SGK1: variants seen among roughly 807,000 people sequenced by gnomAD.
SGK1 encodes the protein serum/glucocorticoid regulated kinase 1.
SGK1 carries 26 observed loss-of-function variants against 64.2 expected under a neutral mutation model. The ratio of observed to expected loss-of-function variants is 0.40; its 90% CI spans 0.30 to 0.56. SGK1 has a LOEUF of 0.56. Ranked by LOEUF, SGK1 falls within the 20% of genes least tolerant of loss-of-function variation. The pLI is 0.38. For missense variants in SGK1, 519 were observed against 645.6 expected, an observed-to-expected ratio of 0.80 and a Z score of 2.12; for synonymous variants, 265 against 239.7, an observed-to-expected ratio of 1.11 and a Z score of -0.98.
intron 1 of SGK1, among the ~76,000 whole-genome samples, chr6:134,289,687 T>A (rs960104980): frequency 6.6e-6 from 1 of 152,064 alleles, no homozygotes; most frequent in African/African-American, 2.4e-5. Context: ...ACAATTCAGG[T>A]GCTCAATAGT....
intron 3 of SGK1, among the ~76,000 whole-genome samples, chr6:134,176,613 T>C (rs1775240463): frequency 6.6e-6 from 1 of 152,190 alleles, no homozygotes; most frequent in Non-Finnish European, 1.5e-5. Context: ...GCTGTTGCTG[T>C]CTGCGGTGGC....
chr6:134,211,721 G>A (rs1433403670), intron 2 of SGK1, among the ~76,000 whole-genome samples: 1 of 151,880 alleles, frequency 6.6e-6, no homozygotes, highest in African/African-American at 2.4e-5. Context: ...GAAAAAGAAT[G>A]TGTGGAGCAG....
intron 3 of SGK1, 72 bp from the exon 4 acceptor site, chr6:134,174,658 C>A: frequency 1.2e-6 from 2 of 1,608,148 alleles, no homozygotes; most frequent in Non-Finnish European, 1.7e-6. Context: ...ACACACTAAT[C>A]TGATCCGGGA....
intron 3 of SGK1, among the ~76,000 whole-genome samples, chr6:134,201,693 G>A (rs1775687608): frequency 6.6e-6 from 1 of 152,064 alleles, no homozygotes; most frequent in Non-Finnish European, 1.5e-5. Flanking sequence ...AATCATTTCA[G>A]GAATTTGTAA....
intron 1 of SGK1, among the ~76,000 whole-genome samples, chr6:134,286,022 A>C (rs1411449485): frequency 6.6e-6 from 1 of 152,140 alleles, no homozygotes; most frequent in Non-Finnish European, 1.5e-5. Flanking sequence ...AATTAAAGTG[A>C]GTTTTCTTTA....
intron 11 of SGK1, 47 bp downstream of exon 11, chr6:134,171,590 A>G (rs762540420): frequency 7.4e-7 from 1 of 1,357,608 alleles, no homozygotes; most frequent in Admixed American, 1.7e-5. Flanking sequence ...TGAAGGCAAT[A>G]TTGTAGGGAG....
chr6:134,204,240 A>G (rs916664318), intron 3 of SGK1, among the ~76,000 whole-genome samples: 3 of 150,182 alleles, frequency 2.0e-5, no homozygotes, highest in Non-Finnish European at 3.0e-5. Context: ...AAATAAATAA[A>G]TAAATAAATA....
chr6:134,170,748 AC>A lies in SGK1; in HGVS notation c.1413+77del. The A allele has an allele frequency of 5.1e-6, 5 of 980,770 alleles. No individual in the cohort carries two copies. The South Asian group carries it at 7.6e-5, about 15-fold the overall frequency. The allele number at this position is 980,770 out of a possible 1,614,324, so 60.8% of individuals were successfully genotyped here. A position where few individuals can be genotyped will look rare whatever the true frequency, so the allele number is the denominator to read the frequency against. ...AACATCTGCCAATGTATTCCTTCCA[AC>A]CCTCCCCCAGACAATTCTGAATTAA... is the stretch of plus-strand genomic sequence containing the variant. On this transcript the variant is annotated intron_variant, in intron 13 of 13. Coordinates refer to ENST00000367858, the MANE Select transcript of SGK1 (RefSeq NM_001143676.3).
chr6:134,284,527 C>A (rs758198488), intron 1 of SGK1, among the ~76,000 whole-genome samples: 1 of 151,384 alleles, frequency 6.6e-6, no homozygotes, highest in Non-Finnish European at 1.5e-5. Flanking sequence ...ACTCTATCGC[C>A]CAGGCTGGAG....
intron 1 of SGK1, among the ~76,000 whole-genome samples, chr6:134,291,754 A>G (rs1420009836): frequency 6.6e-6 from 1 of 152,316 alleles, no homozygotes; most frequent in South Asian, 2.1e-4. Flanking sequence ...AATAAAGCCA[A>G]CTGAAATCTT....
chr6:134,228,282 T>C (rs1776219809), intron 2 of SGK1, among the ~76,000 whole-genome samples: 1 of 152,156 alleles, frequency 6.6e-6, no homozygotes. Context: ...GCATCAGTAT[T>C]TGCTTTCTTC....
At position 134,273,592 on chromosome 6, in the gene SGK1, C is replaced by CAAAAAAAAAA. The variant is rs58634499; in HGVS notation, c.70-11454_70-11445dup. 6.0e-3 allele frequency among the ~76,000 whole-genome samples: 98 copies of CAAAAAAAAAA among 16,222 alleles called. 26 individuals carry two copies. Among genetic ancestry groups the CAAAAAAAAAA allele is most frequent in the African/African-American group, 0.015 (70 of 4,820 alleles). The allele number at this position is 16,222 out of a possible 152,430, so 10.6% of individuals were successfully genotyped here. On this transcript the variant is annotated intron_variant, in intron 1 of 13. Coordinates refer to ENST00000367858, the MANE Select transcript of SGK1 (RefSeq NM_001143676.3). ...TGGGCGACAGAGCGAGACTCCGTCT[C>CAAAAAAAAAA]AAAAAAAAAAAAAAAAAAAAAAAAA... is the stretch of plus-strand genomic sequence containing the variant.
intron 1 of SGK1, among the ~76,000 whole-genome samples, chr6:134,269,657 C>CA (rs774346061): frequency 0.015 from 1,519 of 101,552 alleles, 98 homozygotes; most frequent in Admixed American, 0.026. Context: ...GACTCTGTCT[C>CA]AAAAAAAAAA....
intron 1 of SGK1, among the ~76,000 whole-genome samples, chr6:134,314,301 C>G (rs377445864): frequency 1.3e-5 from 2 of 149,300 alleles, no homozygotes. Flanking sequence ...GAGGCTTGGC[C>G]GCTTTTATAG....
rs372354492 is a variant in SGK1 at position 134,242,401 on chromosome 6, G to A, written c.285+19532C>T. Reference sequence around the variant, plus strand: ...CTCGGGAGGTTCAGGAAGGAGAATCGCTTGAACCTGGGAGGCGGAGGTTGC... The same window carrying A: ...CTCGGGAGGTTCAGGAAGGAGAATCACTTGAACCTGGGAGGCGGAGGTTGC... On this transcript the variant is annotated intron_variant, in intron 2 of 13. Coordinates refer to ENST00000367858, the MANE Select transcript of SGK1 (RefSeq NM_001143676.3). Among the ~76,000 whole-genome samples, 16 of 152,092 alleles carry A rather than the reference G, an allele frequency of 1.1e-4. No individual in the cohort carries two copies. In the East Asian group the frequency reaches 1.9e-3, roughly 18 times the overall value.
At position 134,170,806 on chromosome 6, in the gene SGK1, G is replaced by C. The variant is rs1284694715; in HGVS notation, c.1413+20C>G. ...TGCCCTTTGGGCTTCTCTATACTTAGAAGAGAGACAGATACTCACCACATT... is the reference window on the plus strand; with the variant it reads ...TGCCCTTTGGGCTTCTCTATACTTACAAGAGAGACAGATACTCACCACATT... On this transcript the variant is annotated intron_variant, in intron 13 of 13. Coordinates refer to ENST00000367858, the MANE Select transcript of SGK1 (RefSeq NM_001143676.3). The C allele has an allele frequency of 1.3e-6, 2 of 1,492,492 alleles. No individual in the cohort carries two copies. Among genetic ancestry groups the C allele is most frequent in the Non-Finnish European group, 1.9e-6 (2 of 1,071,446 alleles). 92.5% of individuals were successfully genotyped at this position (1,492,492 alleles called of 1,614,324 possible).
At chr6:134,185,768 C>T (rs981104169) in intron 3 of SGK1, among the ~76,000 whole-genome samples, 7 of 152,122 alleles carry the variant, frequency 4.6e-5, no homozygotes, top group Non-Finnish European at 1.0e-4. Context: ...ATGCCACTAG[C>T]ATGGCTCAGT....
At chr6:134,172,860 G>A in intron 8 of SGK1, 86 bp from the exon 9 acceptor site, 1 of 1,205,910 alleles carries the variant, frequency 8.3e-7, no homozygotes, top group Non-Finnish European at 1.2e-6. Context: ...ACTGCAGGAA[G>A]TGGCCCCAAG....
chr6:134,174,984 G>T lies in SGK1; in HGVS notation c.362-398C>A, dbSNP rs190939712. The stretch of plus-strand genomic sequence containing the variant: ...CCTCGCCCCGCCCCGGCCGCCTCGC[G>T]GTTTGCTGGCGGCTACGCTGCCTGC... On this transcript the variant is annotated intron_variant, in intron 3 of 13. Coordinates refer to ENST00000367858, the MANE Select transcript of SGK1 (RefSeq NM_001143676.3). 2.7e-3 allele frequency: 3,387 copies of T among 1,263,870 alleles called. 7 individuals carry two copies. Among genetic ancestry groups the T allele is most frequent in the Admixed American group, 9.6e-3 (328 of 34,018 alleles). 78.3% of individuals were successfully genotyped at this position (1,263,870 alleles called of 1,614,324 possible).
Sources: allele counts gnomAD v4.1 joint callset (sites outside exome capture counted in the v4.1 genomes callset), GRCh38; gene constraint gnomAD v4.1.1; transcripts MANE v1.5; gene names NCBI Gene and HGNC (gene_info 2026-07-23, HGNC 2026-07-21).